PCM1: variants seen among roughly 807,000 people sequenced by gnomAD.
PCM1 encodes the protein pericentriolar material 1, also known as pericentriolar material 1 protein.
A neutral mutation model predicts 241.9 loss-of-function variants in PCM1; 157 were observed. The ratio of observed to expected loss-of-function variants is 0.65; its 90% confidence interval spans 0.57 to 0.74. The LOEUF is 0.74. Among genes scored for constraint, PCM1 ranks in the 30% least tolerant of loss-of-function variants. PCM1 has a pLI of 0.00. For missense variants in PCM1, 3,478 were observed against 2,360.1 expected (o/e 1.47, Z -9.81); for synonymous variants, 1,085 against 784.9 (o/e 1.38, Z -6.39).
At chr8:17,993,297 T>C (rs930806319) in intron 28 of PCM1, among the ~76,000 whole-genome samples, 186 bp from the exon 29 acceptor site, 1 of 152,138 alleles carries the variant, frequency 6.6e-6, no homozygotes, top group Non-Finnish European at 1.5e-5. Flanking sequence ...AAATATGTGA[T>C]ATCTAATGGT....
At chr8:17,962,395 T>C (rs572418192) in intron 16 of PCM1, among the ~76,000 whole-genome samples, 5 of 152,286 alleles carry the variant, frequency 3.3e-5, no homozygotes, top group African/African-American at 4.8e-5. Flanking sequence ...TTGAAAAGTT[T>C]TAAATAATTT....
At chr8:17,981,975 T>C (rs2081001626) in intron 24 of PCM1, among the ~76,000 whole-genome samples, 1 of 152,062 alleles carries the variant, frequency 6.6e-6, no homozygotes, top group South Asian at 2.1e-4. Flanking sequence ...TAAACAAAAA[T>C]TTGAAAGCAA....
At chr8:17,958,050 G>C (rs938500301) in intron 13 of PCM1, among the ~76,000 whole-genome samples, 1 of 152,124 alleles carries the variant, frequency 6.6e-6, no homozygotes, top group African/African-American at 2.4e-5. Flanking sequence ...ACATAAATGA[G>C]AATGATTATT....
chr8:18,005,268 C>T (rs1299803329), intron 29 of PCM1, among the ~76,000 whole-genome samples: 5 of 151,782 alleles, frequency 3.3e-5, no homozygotes, highest in African/African-American at 9.7e-5. Context: ...CCAGACAGCA[C>T]GGAGCTTATA....
intron 38 of PCM1, among the ~76,000 whole-genome samples, chr8:18,027,392 T>G (rs71526178): frequency 0.025 from 3,755 of 152,092 alleles, 79 homozygotes; most frequent in South Asian, 0.047. Context: ...ATAGTTGTTT[T>G]CTTTTCATAG....
intron 30 of PCM1, among the ~76,000 whole-genome samples, chr8:18,007,697 G>A (rs577646377): frequency 6.6e-6 from 1 of 152,194 alleles, no homozygotes; most frequent in East Asian, 1.9e-4. Context: ...ATTGCCCAGA[G>A]TATTGAAAAA....
intron 23 of PCM1, among the ~76,000 whole-genome samples, chr8:17,978,608 T>TACTC (rs2079569211): frequency 6.6e-6 from 1 of 152,064 alleles, no homozygotes; most frequent in Non-Finnish European, 1.5e-5. Context: ...AGGAACCTTG[T>TACTC]ACTCAGCCAA....
At position 18,029,224 on chromosome 8, in the gene PCM1, G is replaced by GTATT. The variant is rs1468166018; in HGVS notation, c.*1563_*1566dup. 5.2e-6 allele frequency: 1 copy of GTATT among 192,126 alleles called. No individual in the cohort carries two copies. The highest frequency in any genetic ancestry group is 2.3e-5 in the African/African-American group (1 of 42,562). 11.9% of individuals were successfully genotyped at this position (192,126 alleles called of 1,614,324 possible). ...CCTCAGTGTAATGTCCATTCAAGGA[G>GTATT]TATTAAATGAGGATTTCCCTGCGAG... On this transcript the variant is annotated 3_prime_UTR_variant, in exon 39 of 39. Transcript: ENST00000325083.
intron 18 of PCM1, 142 bp from the exon 19 acceptor site, chr8:17,965,857 C>T (rs558201657): frequency 3.1e-5 from 18 of 580,982 alleles, no homozygotes; most frequent in Middle Eastern, 4.1e-4. Flanking sequence ...CTTCTCCCCC[C>T]TCTATATTTT....
intron 23 of PCM1, among the ~76,000 whole-genome samples, chr8:17,977,816 C>G (rs1262019164): frequency 6.6e-6 from 1 of 152,128 alleles, no homozygotes; most frequent in Non-Finnish European, 1.5e-5. Flanking sequence ...GAAAATGTTG[C>G]TTGACCACAG....
rs1481391833 is a variant in PCM1 at position 17,957,626 on chromosome 8, G to C, written c.1891G>C (p.Glu631Gln). The C allele has an allele frequency of 1.9e-6, 3 of 1,584,114 alleles. No individual in the cohort carries two copies. Among genetic ancestry groups the C allele is most frequent in the Non-Finnish European group, 2.6e-6 (3 of 1,163,928 alleles). ...DEEEEEEAEE[E>Q]GVSGASLSSH... ...GGAGGAGGAGGAAGAAGCAGAAGAG[G>C]AGGGAGTCAGTGGAGCTTCATTATC... The change falls in exon 13 of 39, where the codon GAG becomes CAG. Residue 631 changes from glutamate to glutamine, a missense_variant. Coordinates refer to ENST00000325083, the MANE Select transcript of PCM1 (RefSeq NM_006197.4).
chr8:17,951,416 C>G (rs2065962798), intron 8 of PCM1, among the ~76,000 whole-genome samples: 1 of 152,106 alleles, frequency 6.6e-6, no homozygotes, highest in South Asian at 2.1e-4. Context: ...AGACCTGGGG[C>G]CTACTTTAGA....
At chr8:18,020,198 C>T (rs530178299) in intron 36 of PCM1, among the ~76,000 whole-genome samples, 51 of 152,280 alleles carry the variant, frequency 3.3e-4, no homozygotes, top group African/African-American at 1.2e-3. Context: ...GGAGTCCTTA[C>T]TCAGAAACGT....
chr8:17,972,544 C>A lies in PCM1; in HGVS notation c.3800C>A (p.Pro1267Gln), dbSNP rs754101437. The change falls in exon 23 of 39, where the codon CCA (proline) becomes CAA (glutamine). Residue 1267 changes from proline (P) to glutamine (Q), a missense_variant. By Grantham distance (76) the Pro-to-Gln change is moderately conservative. Coordinates refer to ENST00000325083, the MANE Select transcript of PCM1 (RefSeq NM_006197.4). ...SLESFSSMPD[P>Q]VDPTTVTKTF... is the part of the protein sequence containing the mutation. ...GAAAGCTTTAGCAGTATGCCTGATC[C>A]AGTAGATCCAACAACAGTGACTAAA... 6.2e-7 allele frequency: 1 copy of A among 1,613,814 alleles called. No homozygotes were observed. Among genetic ancestry groups the A allele is most frequent in the Admixed American group, 1.7e-5 (1 of 60,004 alleles).
chr8:18,025,746 T>C (rs917487903), intron 38 of PCM1, 88 bp downstream of exon 38: 1 of 743,842 alleles, frequency 1.3e-6, no homozygotes, highest in Non-Finnish European at 2.2e-6. Flanking sequence ...AATATGCTAC[T>C]ACTGACCTGG....
At chr8:18,016,502 A>G (rs548514816) in intron 36 of PCM1, among the ~76,000 whole-genome samples, 20 of 152,354 alleles carry the variant, frequency 1.3e-4, no homozygotes, top group Admixed American at 5.9e-4. Flanking sequence ...GACATTAGAA[A>G]AGAAGGGATC....
At chr8:17,990,700 A>C (rs898293951) in intron 27 of PCM1, among the ~76,000 whole-genome samples, 1 of 152,142 alleles carries the variant, frequency 6.6e-6, no homozygotes, top group Non-Finnish European at 1.5e-5. Context: ...TTAGTTGATA[A>C]AATAATGTAA....
intron 17 of PCM1, among the ~76,000 whole-genome samples, chr8:17,963,897 A>C (rs1013818256): frequency 3.9e-5 from 6 of 152,208 alleles, no homozygotes; most frequent in Non-Finnish European, 7.3e-5. Flanking sequence ...TTTTGCACCA[A>C]GCCCTACTCT....
At chr8:17,934,696 C>G (rs2059954147) in intron 2 of PCM1, 1 of 152,182 alleles carries the variant, frequency 6.6e-6, no homozygotes, top group African/African-American at 2.4e-5. Flanking sequence ...CTCAACCTCT[C>G]CTCTTTCAGC....
Sources: gnomAD v4.1 joint callset for allele counts (sites outside exome capture counted in the v4.1 genomes callset) on GRCh38, gnomAD v4.1.1 for gene constraint, MANE v1.5 for transcripts, NCBI Gene and HGNC (gene_info 2026-07-23, HGNC 2026-07-21) for gene names.